Variants in RAD51B observed in about 807,000 individuals in gnomAD.
RAD51B encodes RAD51 paralog B, also known as DNA repair protein RAD51 homolog 2.
Under a neutral mutation model 42.2 loss-of-function variants are expected in RAD51B, and 38 were observed. That is an observed-to-expected ratio of 0.90 (90% CI 0.70 to 1.18). RAD51B has a LOEUF of 1.18. Among genes scored for constraint, RAD51B ranks in the 50% most tolerant of loss-of-function variants. The probability of loss-of-function intolerance (pLI) is 0.00; values close to 1 mark genes in which losing one functional copy is unlikely to be tolerated. For synonymous variants in RAD51B, 154 were observed against 145.2 expected (o/e 1.06, Z -0.43); for missense variants, 373 against 400.7 (o/e 0.93, Z 0.59).
chr14:68,414,574 A>G (rs1466921010), intron 9 of RAD51B, among the ~76,000 whole-genome samples: 2 of 152,094 alleles, frequency 1.3e-5, no homozygotes, highest in African/African-American at 4.8e-5. Flanking sequence ...GTCCAAACAA[A>G]CTAATACTGA....
chr14:68,549,804 A>C (rs138219622), intron 10 of RAD51B, among the ~76,000 whole-genome samples: 2 of 152,328 alleles, frequency 1.3e-5, no homozygotes, highest in South Asian at 2.1e-4. Context: ...GGGAAGCTAC[A>C]GCGGAATCCT....
intron 7 of RAD51B, among the ~76,000 whole-genome samples, chr14:68,105,997 T>C (rs926515873): frequency 2.6e-5 from 4 of 151,950 alleles, no homozygotes; most frequent in African/African-American, 9.7e-5. Flanking sequence ...CAGAGTGTTA[T>C]TGCGGTGTTT....
At chr14:68,239,856 T>C (rs1186861302) in intron 7 of RAD51B, among the ~76,000 whole-genome samples, 1 of 152,206 alleles carries the variant, frequency 6.6e-6, no homozygotes, top group Non-Finnish European at 1.5e-5. Flanking sequence ...ATCAGGCCAG[T>C]ATAACTGTAA....
At chr14:68,426,384 C>A (rs1645570863) in intron 9 of RAD51B, among the ~76,000 whole-genome samples, 1 of 152,072 alleles carries the variant, frequency 6.6e-6, no homozygotes, top group South Asian at 2.1e-4. Flanking sequence ...TCAGTAAAGG[C>A]CATTCTGATG....
intron 10 of RAD51B, chr14:68,563,155 T>C: frequency 1.0e-6 from 1 of 985,386 alleles, no homozygotes; most frequent in Middle Eastern, 5.2e-4. Flanking sequence ...AGGAGAGAAG[T>C]TCTTTATTTC....
rs567313508 is a variant in RAD51B, at chr14:68,313,175, C to A, written c.853+21195C>A. On this transcript the variant is annotated intron_variant, in intron 8 of 10. Transcript: ENST00000471583. Reference sequence around the variant, plus strand: ...TATACCTGGTGAATTATAATATTCTCTATGGGAACTGCACTGCATGTCTGT... The same window carrying A: ...TATACCTGGTGAATTATAATATTCTATATGGGAACTGCACTGCATGTCTGT... 4.3e-4 allele frequency among the ~76,000 whole-genome samples: 66 copies of A among 152,296 alleles called. 2 individuals are homozygous for A. The highest frequency in any genetic ancestry group is 3.3e-4 in the Admixed American group (5 of 15,298).
chr14:68,350,100 T>C (rs1344609820), intron 8 of RAD51B, among the ~76,000 whole-genome samples: 1 of 152,200 alleles, frequency 6.6e-6, no homozygotes, highest in Non-Finnish European at 1.5e-5. Flanking sequence ...ATTGGAAATC[T>C]CTCTGTGCAC....
chr14:68,453,842 T>A (rs1428401039), intron 9 of RAD51B, among the ~76,000 whole-genome samples: 1 of 152,238 alleles, frequency 6.6e-6, no homozygotes, highest in Non-Finnish European at 1.5e-5. Context: ...AAAAATATTT[T>A]ATGTTTTAAA....
At chr14:67,959,543 G>A (rs796087630) in intron 7 of RAD51B, among the ~76,000 whole-genome samples, 31 of 151,848 alleles carry the variant, frequency 2.0e-4, no homozygotes, top group African/African-American at 7.0e-4. Flanking sequence ...CACCGCACCC[G>A]GCCAATACTT....
chr14:68,209,469 C>T (rs1358576606), intron 7 of RAD51B, among the ~76,000 whole-genome samples: 2 of 152,128 alleles, frequency 1.3e-5, no homozygotes, highest in Non-Finnish European at 2.9e-5. Context: ...AGGAATTGTC[C>T]CTCCCACTAA....
chr14:68,204,473 T>C (rs962061121), intron 7 of RAD51B, among the ~76,000 whole-genome samples: 2 of 152,158 alleles, frequency 1.3e-5, no homozygotes, highest in African/African-American at 4.8e-5. Context: ...ATAATCATAA[T>C]TGAAAAAGTT....
chr14:68,595,813 A>G (rs1004370024), exon 11 of RAD51B: 22 of 310,702 alleles, frequency 7.1e-5, no homozygotes, highest in Non-Finnish European at 1.1e-4. Context: ...TTATAAAGCA[A>G]TATGCATACA....
At chr14:68,535,678 TGAAGTG>T (rs1276291270) in intron 10 of RAD51B, among the ~76,000 whole-genome samples, 1 of 152,164 alleles carries the variant, frequency 6.6e-6, no homozygotes, top group South Asian at 2.1e-4. Flanking sequence ...GCTCATACTA[TGAAGTG>T]GAAAAGTAAA....
At chr14:68,613,697 A>G (rs78089730), downstream of RAD51B, among the ~76,000 whole-genome samples, 105,186 of 151,172 alleles carry the variant, frequency 0.7, 37,018 homozygotes, top group South Asian at 0.81. Flanking sequence ...TTTGTGATCC[A>G]CCCGCCTTGA....
At chr14:68,220,928 C>T (rs1436622426) in intron 7 of RAD51B, among the ~76,000 whole-genome samples, 5 of 151,982 alleles carry the variant, frequency 3.3e-5, no homozygotes, top group Admixed American at 2.0e-4. Context: ...GTCAGGAGAT[C>T]GAGACCATCC....
chr14:68,669,627 TACACACACACAC>T (rs34821600), intron 11 of RAD51B, among the ~76,000 whole-genome samples: 19 of 148,022 alleles, frequency 1.3e-4, no homozygotes, highest in East Asian at 1.0e-3. Flanking sequence ...ACCCGCCACT[TACACACACACAC>T]ACACACACAC....
intron 10 of RAD51B, among the ~76,000 whole-genome samples, chr14:68,593,183 A>G (rs1890834321): frequency 6.6e-6 from 1 of 152,246 alleles, no homozygotes; most frequent in African/African-American, 2.4e-5. Context: ...TGCTAAGTTC[A>G]GATCTTCCAT....
intron 10 of RAD51B, among the ~76,000 whole-genome samples, chr14:68,568,952 A>C (rs115668430): frequency 6.6e-6 from 1 of 152,302 alleles, no homozygotes; most frequent in African/African-American, 2.4e-5. Flanking sequence ...CTAAGTGGTC[A>C]TTGGCCACCA....
Position 68,433,957 on chromosome 14 carries a change from C to T in RAD51B, c.957+22430C>T, listed in dbSNP as rs149358430. 7.4e-3 allele frequency among the ~76,000 whole-genome samples: 1,121 copies of T among 152,240 alleles called. 10 individuals are homozygous for T. Among genetic ancestry groups the T allele is most frequent in the African/African-American group, 0.026 (1,061 of 41,528 alleles). ...ATGTTCTTTCTGTTTGTTAGTTTTCCTTCTAACAGGACCCTCAGCTGTAGG... is the reference window on the plus strand; with the variant it reads ...ATGTTCTTTCTGTTTGTTAGTTTTCTTTCTAACAGGACCCTCAGCTGTAGG... On this transcript the variant is annotated intron_variant, in intron 9 of 10. Coordinates refer to ENST00000471583, the MANE Select transcript of RAD51B (RefSeq NM_133510.4).
Sources: gnomAD v4.1 joint callset for allele counts (sites outside exome capture counted in the v4.1 genomes callset) on GRCh38, gnomAD v4.1.1 for gene constraint, MANE v1.5 for transcripts, NCBI Gene and HGNC (gene_info 2026-07-23, HGNC 2026-07-21) for gene names.